SPIDR: variants seen among roughly 807,000 people sequenced by gnomAD.
SPIDR encodes scaffold protein involved in DNA repair, also known as DNA repair-scaffolding protein.
SPIDR carries 93 observed loss-of-function variants against 104.6 expected under a neutral mutation model. That is an observed-to-expected ratio of 0.89 (90% CI 0.75 to 1.06). The LOEUF (loss-of-function observed/expected upper bound fraction) is 1.06. Among genes scored for constraint, SPIDR ranks in the 50% least tolerant of loss-of-function variants. The probability of loss-of-function intolerance (pLI) is 0.00; values close to 1 mark genes in which losing one functional copy is unlikely to be tolerated. For synonymous variants in SPIDR, 431 were observed against 416.9 expected (o/e 1.03, Z -0.41); for missense variants, 1,154 against 1,111.2 (o/e 1.04, Z -0.55).
chr8:47,557,116 A>G (rs1310310937), intron 8 of SPIDR, among the ~76,000 whole-genome samples: 2 of 152,190 alleles, frequency 1.3e-5, no homozygotes, highest in Non-Finnish European at 2.9e-5. Flanking sequence ...CTAATGCATT[A>G]TAACATTTTA....
intron 8 of SPIDR, among the ~76,000 whole-genome samples, chr8:47,564,572 C>G (rs1275038546): frequency 6.6e-6 from 1 of 151,126 alleles, no homozygotes; most frequent in South Asian, 2.1e-4. Flanking sequence ...TCCAGCTATT[C>G]AGGAGGCTGA....
At chr8:47,379,132 C>A (rs2059025053) in intron 5 of SPIDR, among the ~76,000 whole-genome samples, 1 of 152,020 alleles carries the variant, frequency 6.6e-6, no homozygotes, top group East Asian at 1.9e-4. Flanking sequence ...CTACATGTAG[C>A]CAGAGGGAAG....
intron 5 of SPIDR, among the ~76,000 whole-genome samples, chr8:47,365,372 C>G (rs902600498): frequency 6.6e-6 from 1 of 152,210 alleles, no homozygotes; most frequent in Non-Finnish European, 1.5e-5. Flanking sequence ...GTTGCCTGCC[C>G]TTTATAGACA....
At chr8:47,390,503 A>G (rs2060458186) in intron 5 of SPIDR, among the ~76,000 whole-genome samples, 1 of 152,004 alleles carries the variant, frequency 6.6e-6, no homozygotes, top group South Asian at 2.1e-4. Flanking sequence ...AAAAGCAGAT[A>G]ATAATGAAAT....
intron 11 of SPIDR, among the ~76,000 whole-genome samples, chr8:47,698,943 T>G (rs2079734078): frequency 6.6e-6 from 1 of 152,224 alleles, no homozygotes; most frequent in African/African-American, 2.4e-5. Context: ...CGCAGAACAC[T>G]TTTTGGGAAA....
At chr8:47,602,569 C>T (rs1051313396) in intron 10 of SPIDR, among the ~76,000 whole-genome samples, 21 of 152,164 alleles carry the variant, frequency 1.4e-4, no homozygotes, top group Non-Finnish European at 2.9e-4. Context: ...CCCACCCAGC[C>T]CAGGTCAGGT....
Position 47,366,362 on chromosome 8 carries a change from T to A in SPIDR, c.526-30014T>A, listed in dbSNP as rs1449942445. On this transcript the variant is annotated intron_variant, in intron 5 of 19. Transcript: ENST00000297423. ...ATAGCTGTGATTAGATTGTGGGGGCTGTGGTTCCTGAAGAGGAGAGCATGG... is the reference window on the plus strand; with the variant it reads ...ATAGCTGTGATTAGATTGTGGGGGCAGTGGTTCCTGAAGAGGAGAGCATGG... Among the ~76,000 whole-genome samples, 4 of 152,100 alleles carry A rather than the reference T, an allele frequency of 2.6e-5. No homozygotes were observed. The East Asian group carries it at 7.7e-4, about 29-fold the overall frequency.
chr8:47,600,099 C>T (rs1226421123), intron 10 of SPIDR, among the ~76,000 whole-genome samples: 1 of 152,074 alleles, frequency 6.6e-6, no homozygotes, highest in Non-Finnish European at 1.5e-5. Flanking sequence ...TGATAATTGC[C>T]CTCAAAGAAG....
intron 8 of SPIDR, among the ~76,000 whole-genome samples, chr8:47,565,551 C>T (rs1158114582): frequency 6.6e-6 from 1 of 151,728 alleles, no homozygotes. Context: ...ATAGTTTATA[C>T]CTTTTAAAAA....
chr8:47,265,693 A>G (rs886554921), intron 1 of SPIDR, among the ~76,000 whole-genome samples: 2 of 152,180 alleles, frequency 1.3e-5, no homozygotes, highest in Admixed American at 1.3e-4. Context: ...TCCCTTGCAC[A>G]TCTCATTCCA....
chr8:47,315,791 C>G (rs2045230200), intron 5 of SPIDR, among the ~76,000 whole-genome samples: 1 of 152,106 alleles, frequency 6.6e-6, no homozygotes. Context: ...AGTGCTGGAA[C>G]AACTAGACAT....
At chr8:47,727,316 G>A (rs1487710613) in intron 17 of SPIDR, 23 bp downstream of exon 17, 24 of 1,607,214 alleles carry the variant, frequency 1.5e-5, no homozygotes, top group Admixed American at 5.0e-5. Flanking sequence ...GAGCTGTCCT[G>A]AAAGCCCTAG....
chr8:47,288,914 A>G (rs939917511), intron 3 of SPIDR, among the ~76,000 whole-genome samples: 4 of 152,100 alleles, frequency 2.6e-5, no homozygotes, highest in Non-Finnish European at 5.9e-5. Context: ...TTTTTGTGCC[A>G]CCATTATTCC....
intron 7 of SPIDR, among the ~76,000 whole-genome samples, chr8:47,426,915 A>G (rs1484050528): frequency 2.6e-5 from 4 of 152,242 alleles, no homozygotes; most frequent in South Asian, 2.1e-4. Context: ...GGACACATTC[A>G]GACCATAGCA....
At chr8:47,657,128 CACTTTAAAA>C (rs1314783163) in intron 10 of SPIDR, among the ~76,000 whole-genome samples, 1 of 152,110 alleles carries the variant, frequency 6.6e-6, no homozygotes, top group East Asian at 1.9e-4. Flanking sequence ...CACTGTGGTA[CACTTTAAAA>C]GGATTAAAAT....
chr8:47,321,514 A>G (rs1178807729), intron 5 of SPIDR, among the ~76,000 whole-genome samples: 5 of 152,224 alleles, frequency 3.3e-5, no homozygotes, highest in African/African-American at 4.8e-5. Context: ...AAATGGCCAT[A>G]CTGCCCAAGG....
At position 47,525,135 on chromosome 8, in the gene SPIDR, T is replaced by G. The variant is rs73565285; in HGVS notation, c.1098-70676T>G. ...CTGGTCATTGTATTTGCAGTTTGGC[T>G]TCCTGCCTGCTGTTAAAGTACAGAG... On this transcript the variant is annotated intron_variant, in intron 8 of 19. Transcript: ENST00000297423. 6.0e-3 allele frequency among the ~76,000 whole-genome samples: 921 copies of G among 152,370 alleles called. 6 individuals are homozygous for G. The highest frequency in any genetic ancestry group is 0.021 in the African/African-American group (877 of 41,582).
At chr8:47,266,829 C>A (rs1390435439) in intron 1 of SPIDR, among the ~76,000 whole-genome samples, 1 of 152,112 alleles carries the variant, frequency 6.6e-6, no homozygotes, top group Admixed American at 6.5e-5. Flanking sequence ...TACAAATGTT[C>A]CTAATTGTAG....
At chr8:47,516,061 G>T (rs963110371) in intron 8 of SPIDR, among the ~76,000 whole-genome samples, 1 of 152,172 alleles carries the variant, frequency 6.6e-6, no homozygotes, top group East Asian at 1.9e-4. Context: ...CGCCCGCCTC[G>T]GCCTCCCGAA....
Sources: gnomAD v4.1 joint callset for allele counts (sites outside exome capture counted in the v4.1 genomes callset) on GRCh38, gnomAD v4.1.1 for gene constraint, MANE v1.5 for transcripts, NCBI Gene and HGNC (gene_info 2026-07-23, HGNC 2026-07-21) for gene names.